Variants in FER1L6 observed in about 807,000 individuals in gnomAD.
FER1L6 encodes fer-1-like protein 6.
FER1L6 carries 177 observed loss-of-function variants against 219.2 expected under a neutral mutation model. The observed-to-expected ratio is 0.81, with a 90% CI of 0.71 to 0.91. The LOEUF (loss-of-function observed/expected upper bound fraction) is 0.91, where lower values mean the gene tolerates loss of function less well. Ranked by LOEUF, FER1L6 falls within the 40% of genes least tolerant of loss-of-function variation. The pLI, the probability that FER1L6 is intolerant of heterozygous loss-of-function variation, is 0.00. For synonymous variants in FER1L6, 768 were observed against 824.3 expected (o/e 0.93, Z 1.17); for missense variants, 2,153 against 2,259.9 (o/e 0.95, Z 0.96).
In FER1L6 at chr8:123,918,922, G is replaced by A. The variant is rs1192200263; in HGVS notation, c.-7-37070G>A. Among the ~76,000 whole-genome samples, 3 of 152,050 alleles carry A rather than the reference G, an allele frequency of 2.0e-5. No individual in the cohort carries two copies. The East Asian group carries it at 5.8e-4, about 29-fold the overall frequency. ...CGTGGGGTATGGAGGAAAACACACCGGCCCCTGGCATCCAAGGGCTCTCAG... is the reference window on the plus strand; with the variant it reads ...CGTGGGGTATGGAGGAAAACACACCAGCCCCTGGCATCCAAGGGCTCTCAG... On this transcript the variant is annotated intron_variant, in intron 1 of 40. Transcript: ENST00000522917.
rs1816535762 is a variant in FER1L6, at chr8:123,852,673, A to C, written c.-8+488A>C. Among the ~76,000 whole-genome samples, 1 of 152,178 alleles carries C rather than the reference A, an allele frequency of 6.6e-6. No individual in the cohort carries two copies. Among genetic ancestry groups the C allele is most frequent in the Non-Finnish European group, 1.5e-5 (1 of 68,030 alleles). On this transcript the variant is annotated intron_variant, in intron 1 of 40. Coordinates refer to ENST00000522917, the MANE Select transcript of FER1L6 (RefSeq NM_001039112.2). This position sits in a 1 kb window ranked among gnomAD's most constrained non-coding sequence, Gnocchi z 4.9. ...AAAACATAAATTTTTATTTTACAGA[A>C]AAGTTGCAAAGATAATTGAGTTCTC...
chr8:124,094,378 C>G (rs1822184485), intron 34 of FER1L6, among the ~76,000 whole-genome samples: 1 of 152,080 alleles, frequency 6.6e-6, no homozygotes, highest in Non-Finnish European at 1.5e-5. Flanking sequence ...TCTTATTTCC[C>G]TCTCTCTAAA....
chr8:123,899,392 G>A (rs1812819391), intron 1 of FER1L6, among the ~76,000 whole-genome samples: 1 of 152,018 alleles, frequency 6.6e-6, no homozygotes, highest in Admixed American at 6.6e-5. Flanking sequence ...TGCATTGGTT[G>A]TAGATTCTGG....
At chr8:123,932,053 A>G (rs1813789090) in intron 1 of FER1L6, among the ~76,000 whole-genome samples, 1 of 152,184 alleles carries the variant, frequency 6.6e-6, no homozygotes, top group Non-Finnish European at 1.5e-5. Flanking sequence ...AACAGCTTCT[A>G]TTAGAGCTGC....
chr8:124,101,047 G>A, intron 37 of FER1L6, 50 bp from the exon 38 acceptor site: 1 of 1,568,650 alleles, frequency 6.4e-7, no homozygotes, highest in Non-Finnish European at 8.8e-7. Context: ...TTATACTGAT[G>A]CCTGGAGAAT....
intron 12 of FER1L6, among the ~76,000 whole-genome samples, chr8:123,994,413 G>A (rs1285593654): frequency 6.6e-6 from 1 of 152,174 alleles, no homozygotes; most frequent in East Asian, 1.9e-4. Flanking sequence ...GAGCACAGCT[G>A]CCTTTTCTGT....
At chr8:124,009,443 A>G (rs1020141599) in intron 13 of FER1L6, among the ~76,000 whole-genome samples, 2 of 151,470 alleles carry the variant, frequency 1.3e-5, no homozygotes, top group African/African-American at 4.9e-5. Flanking sequence ...AGCCCAGGGG[A>G]GGAGCCGGTG....
At chr8:124,071,161 G>A (rs751363810) in intron 30 of FER1L6, among the ~76,000 whole-genome samples, 3 of 152,182 alleles carry the variant, frequency 2.0e-5, no homozygotes, top group Non-Finnish European at 4.4e-5. Context: ...GTTGCTGTCT[G>A]GAAATAGGAA....
chr8:123,989,448 G>A (rs556723200), intron 12 of FER1L6, among the ~76,000 whole-genome samples: 57 of 152,044 alleles, frequency 3.7e-4, no homozygotes, highest in Non-Finnish European at 6.6e-4. Context: ...CGGTAACGTG[G>A]ATGAATTGTA....
chr8:123,904,915 T>C (rs901767649), intron 1 of FER1L6, among the ~76,000 whole-genome samples: 2 of 152,186 alleles, frequency 1.3e-5, no homozygotes, highest in Non-Finnish European at 2.9e-5. Flanking sequence ...TTTGGTAGTT[T>C]GAAATCAGCC....
At chr8:123,965,900 T>C in intron 3 of FER1L6, 107 bp from the exon 4 acceptor site, 1 of 999,314 alleles carries the variant, frequency 1.0e-6, no homozygotes, top group Non-Finnish European at 1.5e-6. Flanking sequence ...AGACAGAATA[T>C]GTAATAATAT....
At chr8:123,904,464 T>G (rs1014692566) in intron 1 of FER1L6, among the ~76,000 whole-genome samples, 2 of 152,150 alleles carry the variant, frequency 1.3e-5, no homozygotes, top group Non-Finnish European at 2.9e-5. Context: ...AAGCAACTAC[T>G]TATGAGAGCC....
At chr8:124,007,800 G>A (rs76923558) in intron 13 of FER1L6, among the ~76,000 whole-genome samples, 5,514 of 152,270 alleles carry the variant, frequency 0.036, 222 homozygotes, top group East Asian at 0.11. Flanking sequence ...ATGGAGGGAA[G>A]GGTGGTTAGA....
At chr8:123,945,044 G>A (rs1209490493) in intron 1 of FER1L6, among the ~76,000 whole-genome samples, 1 of 152,190 alleles carries the variant, frequency 6.6e-6, no homozygotes, top group Non-Finnish European at 1.5e-5. Context: ...GATCAATGAA[G>A]CTTTCCTCAT....
chr8:124,115,014 G>T (rs554574133), intron 39 of FER1L6, among the ~76,000 whole-genome samples: 2 of 150,174 alleles, frequency 1.3e-5, no homozygotes, highest in Non-Finnish European at 3.0e-5. Flanking sequence ...AGTCAGGGGT[G>T]TGTTTTAATA....
At chr8:123,875,421 A>G (rs974302695) in intron 1 of FER1L6, among the ~76,000 whole-genome samples, 1 of 152,118 alleles carries the variant, frequency 6.6e-6, no homozygotes, top group African/African-American at 2.4e-5. Flanking sequence ...TCTCCTTTTC[A>G]ACTTTAAAAA....
chr8:123,883,135 A>G lies in FER1L6; in HGVS notation c.-8+30950A>G, dbSNP rs890299748. On this transcript the variant is annotated intron_variant, in intron 1 of 40. Coordinates refer to ENST00000522917, the MANE Select transcript of FER1L6 (RefSeq NM_001039112.2). ...GGTAAATTTGAGCTGAGATATGAAT[A>G]ATGAGAAGGTGTGAACAATGGTAAG... Among the ~76,000 whole-genome samples the G allele has an allele frequency of 2.0e-5, 3 of 152,198 alleles. No homozygotes were observed. The East Asian group carries it at 5.8e-4, about 29-fold the overall frequency.
At chr8:123,906,648 A>G (rs1812958021) in intron 1 of FER1L6, among the ~76,000 whole-genome samples, 1 of 151,814 alleles carries the variant, frequency 6.6e-6, no homozygotes, top group Admixed American at 6.6e-5. Flanking sequence ...AAAAATACAA[A>G]AATTAGCTTG....
chr8:123,989,783 T>C (rs933128863), intron 12 of FER1L6, among the ~76,000 whole-genome samples: 1 of 152,242 alleles, frequency 6.6e-6, no homozygotes, highest in Admixed American at 6.5e-5. Flanking sequence ...ATGGTGTGTA[T>C]ATACCACATT....
Sources: gnomAD v4.1 joint callset for allele counts (sites outside exome capture counted in the v4.1 genomes callset) on GRCh38, gnomAD v4.1.1 for gene constraint, Gnocchi (gnomAD v3.1) non-coding constraint, MANE v1.5 for transcripts, NCBI Gene and HGNC (gene_info 2026-07-23, HGNC 2026-07-21) for gene names.